Variants in BAZ1B observed in about 807,000 individuals in gnomAD.
The protein encoded by BAZ1B is bromodomain adjacent to zinc finger domain 1B, also known as tyrosine-protein kinase BAZ1B.
BAZ1B carries 22 observed loss-of-function variants against 153.8 expected under a neutral mutation model. That is an observed-to-expected ratio of 0.14 (90% confidence interval 0.10 to 0.20). BAZ1B has a LOEUF of 0.20. Among genes scored for constraint, BAZ1B ranks in the 10% least tolerant of loss-of-function variants. BAZ1B has a pLI of 1.00. For missense variants in BAZ1B, 1,325 were observed against 1,799.3 expected (o/e 0.74, Z 4.77); for synonymous variants, 676 against 633.4 (o/e 1.07, Z -1.01).
intron 17 of BAZ1B, among the ~76,000 whole-genome samples, chr7:73,443,599 G>A (rs1408358138): frequency 1.3e-5 from 2 of 152,190 alleles, no homozygotes; most frequent in African/African-American, 4.8e-5. Context: ...GGAGCAGAGG[G>A]GAGGGTAATG....
intron 6 of BAZ1B, among the ~76,000 whole-genome samples, chr7:73,487,467 A>G (rs1789455903): frequency 6.6e-6 from 1 of 152,222 alleles, no homozygotes; most frequent in South Asian, 2.1e-4. Context: ...TTTATGTCTT[A>G]GGAAACTCAA....
intron 6 of BAZ1B, among the ~76,000 whole-genome samples, chr7:73,481,056 ATC>A (rs1213374740): frequency 6.6e-6 from 1 of 152,000 alleles, no homozygotes; most frequent in African/African-American, 2.4e-5. Flanking sequence ...CCTCCCAAGT[ATC>A]TGTGATTACA....
chr7:73,496,510 T>C (rs936292943), intron 4 of BAZ1B, among the ~76,000 whole-genome samples: 37 of 152,206 alleles, frequency 2.4e-4, no homozygotes, highest in African/African-American at 8.7e-4. Flanking sequence ...CATTTGATCC[T>C]CTAATACTCA....
chr7:73,498,260 C>G (rs1391110120), intron 4 of BAZ1B, among the ~76,000 whole-genome samples: 1 of 152,024 alleles, frequency 6.6e-6, no homozygotes, highest in Non-Finnish European at 1.5e-5. Context: ...GCACCCAGCC[C>G]TGCATAGAGC....
At chr7:73,476,055 G>A (rs1554572717) in intron 7 of BAZ1B, among the ~76,000 whole-genome samples, 13 of 151,960 alleles carry the variant, frequency 8.6e-5, no homozygotes, top group Non-Finnish European at 1.5e-5. Flanking sequence ...CTAAGTGAAA[G>A]TCACAACAGA....
rs1554570096 is a variant in BAZ1B, at chr7:73,459,849, T to C, written c.3250-131A>G. On this transcript the variant is annotated intron_variant, in intron 12 of 19. Transcript: ENST00000339594. The stretch of plus-strand genomic sequence containing the variant: ...TCATTAAACAAAATCGAGAGCCACA[T>C]ACCATTAATTTAACTGTGCTCCTCA... 4 of 768,488 alleles carry C rather than the reference T, an allele frequency of 5.2e-6. No homozygotes were observed. In the African/African-American group the frequency reaches 5.3e-5, roughly 10 times the overall value. The allele number at this position is 768,488 out of a possible 1,614,324, so 47.6% of individuals were successfully genotyped here.
chr7:73,450,640 T>G lies in BAZ1B; in HGVS notation c.3580+207A>C, dbSNP rs575947138. The stretch of plus-strand genomic sequence containing the variant: ...GAAGAGATCAATTGCTTTTATGTTA[T>G]GCTCTAAACCGAGGAACAAAGGGCC... On this transcript the variant is annotated intron_variant, in intron 14 of 19. Coordinates refer to ENST00000339594, the MANE Select transcript of BAZ1B (RefSeq NM_032408.4). This position sits in a 1 kb window ranked among gnomAD's most constrained non-coding sequence, Gnocchi z 4.1. Among the ~76,000 whole-genome samples, 1 of 152,316 alleles carries G rather than the reference T, an allele frequency of 6.6e-6. No individual in the cohort carries two copies. The highest frequency in any genetic ancestry group is 2.1e-4 in the South Asian group (1 of 4,828).
chr7:73,462,302 A>G (rs1351391735), intron 12 of BAZ1B, among the ~76,000 whole-genome samples: 6 of 152,344 alleles, frequency 3.9e-5, no homozygotes, highest in Middle Eastern at 3.4e-3. Context: ...ACAAATATTA[A>G]TATGTCTAGA....
chr7:73,499,415 T>A (rs1257462596), intron 3 of BAZ1B, among the ~76,000 whole-genome samples: 1 of 152,154 alleles, frequency 6.6e-6, no homozygotes, highest in African/African-American at 2.4e-5. Context: ...TCTACTTAAT[T>A]ACCTTTCCAC....
At chr7:73,494,639 C>G (rs1043111166) in intron 4 of BAZ1B, among the ~76,000 whole-genome samples, 1 of 151,988 alleles carries the variant, frequency 6.6e-6, no homozygotes, top group East Asian at 1.9e-4. Flanking sequence ...GTCCCAGCTA[C>G]TCAGGAGGCT....
chr7:73,470,379 T>C lies in BAZ1B; in HGVS notation c.2698A>G (p.Arg900Gly). 6.2e-7 allele frequency: 1 copy of C among 1,614,164 alleles called. No homozygotes were observed. Reference sequence around the variant, plus strand: ...TTTCGATCTGTGCCAATAGGAGTCCTGCGCATGACTAGTTTGGCCTTGGCA... The same window carrying C: ...TTTCGATCTGTGCCAATAGGAGTCCCGCGCATGACTAGTTTGGCCTTGGCA... ...GIAKAKLVMR[R>G]TPIGTDRNHN... The change falls in exon 8 of 20, where the codon AGG becomes GGG. Residue 900 changes from arginine (R) to glycine (G), a missense_variant. Transcript: ENST00000339594.
At chr7:73,474,491 C>G (rs782002299) in intron 7 of BAZ1B, among the ~76,000 whole-genome samples, 1 of 152,124 alleles carries the variant, frequency 6.6e-6, no homozygotes, top group Non-Finnish European at 1.5e-5. Flanking sequence ...AGTGAAAGGA[C>G]AGGCCAGGTG....
chr7:73,443,760 G>C (rs546582863), intron 17 of BAZ1B, among the ~76,000 whole-genome samples: 8 of 152,230 alleles, frequency 5.3e-5, no homozygotes, highest in African/African-American at 1.7e-4. Context: ...CCGCTAACTA[G>C]TTTGCAGGCT....
chr7:73,447,653 A>G (rs1787887269), intron 15 of BAZ1B, among the ~76,000 whole-genome samples: 1 of 152,188 alleles, frequency 6.6e-6, no homozygotes, highest in Non-Finnish European at 1.5e-5. Context: ...CCAAAATGCA[A>G]TCCTACCCTT....
Position 73,478,159 on chromosome 7 carries a change from T to A in BAZ1B, c.1302A>T (p.Lys434Asn), listed in dbSNP as rs1789064102. 6.2e-7 allele frequency: 1 copy of A among 1,614,032 alleles called. No homozygotes were observed. Among genetic ancestry groups the A allele is most frequent in the African/African-American group, 1.3e-5 (1 of 74,906 alleles). Reference sequence around the variant, plus strand: ...TATCCAACAAAGTCATCTGCTTCATTTTGGTTTTAGGAGTCTTCAGTCCTT... The same window carrying A: ...TATCCAACAAAGTCATCTGCTTCATATTGGTTTTAGGAGTCTTCAGTCCTT... ...PKKGLKTPKT[K>N]MKQMTLLDMA... is the part of the protein sequence containing the mutation. The change falls in exon 7 of 20, where the codon AAA becomes AAT. Residue 434 changes from lysine to asparagine, a missense_variant. Lys to Asn is a moderately conservative substitution (Grantham distance 94, BLOSUM62 0). Around this residue, in one of 9 missense-constraint regions of BAZ1B, gnomAD observed 219 missense variants for 248.2 expected, o/e 0.88. Transcript: ENST00000339594.
At chr7:73,505,451 T>C (rs1332518705) in intron 3 of BAZ1B, among the ~76,000 whole-genome samples, 1 of 152,162 alleles carries the variant, frequency 6.6e-6, no homozygotes. Flanking sequence ...ATCACGTCTG[T>C]CTTGTTTAAG....
rs576417617 is a variant in BAZ1B, at chr7:73,497,949, G to GT, written c.571+547dup. Among the ~76,000 whole-genome samples, 1,123 of 140,544 alleles carry GT rather than the reference G, an allele frequency of 8.0e-3. 9 individuals are homozygous for GT. Among genetic ancestry groups the GT allele is most frequent in the Middle Eastern group, 0.045 (12 of 264 alleles). 92.2% of individuals were successfully genotyped at this position (140,544 alleles called of 152,430 possible). On this transcript the variant is annotated intron_variant, in intron 4 of 19. Transcript: ENST00000339594. Reference sequence around the variant, plus strand: ...AATGTGCACACAGCTTTTGTGTTTTGTTTTTTTTTTTTTGAGATGGAGTTT... The same window carrying GT: ...AATGTGCACACAGCTTTTGTGTTTTGTTTTTTTTTTTTTTGAGATGGAGTTT...
chr7:73,506,697 A>G (rs1395314363), intron 3 of BAZ1B, among the ~76,000 whole-genome samples: 1 of 146,594 alleles, frequency 6.8e-6, no homozygotes. Context: ...ACCAAAAATA[A>G]AAAATTAGCA....
At chr7:73,472,762 T>C (rs557398094) in intron 7 of BAZ1B, among the ~76,000 whole-genome samples, 302 of 151,260 alleles carry the variant, frequency 2.0e-3, no homozygotes, top group African/African-American at 7.0e-3. Flanking sequence ...TTTATTTATT[T>C]ATTTATTTAT....
Sources: allele counts gnomAD v4.1 joint callset (sites outside exome capture counted in the v4.1 genomes callset), GRCh38; gene constraint gnomAD v4.1.1; regional missense constraint gnomAD v4.1.1; non-coding constraint Gnocchi (gnomAD v3.1); transcripts MANE v1.5; gene names NCBI Gene and HGNC (gene_info 2026-07-23, HGNC 2026-07-21).